The following ASMTL variants were observed in gnomAD, a reference collection of about 807,000 sequenced individuals.
The protein encoded by ASMTL is probable bifunctional dTTP/UTP pyrophosphatase/methyltransferase protein.
Under a neutral mutation model 60.3 loss-of-function variants are expected in ASMTL, and 57 were observed. The ratio of observed to expected loss-of-function variants is 0.95; its 90% confidence interval spans 0.76 to 1.18. The LOEUF (loss-of-function observed/expected upper bound fraction) is 1.18, where lower values mean the gene tolerates loss of function less well. ASMTL is among the 50% of genes most tolerant of loss of function. The pLI is 0.00. For missense variants in ASMTL, 981 were observed against 852.6 expected, an observed-to-expected ratio of 1.15 and a Z score of -1.88; for synonymous variants, 419 against 373.0, an observed-to-expected ratio of 1.12 and a Z score of -1.42.
intron 8 of ASMTL, among the ~76,000 whole-genome samples, chrX:1,424,696 A>G (rs2090567117): frequency 6.7e-6 from 1 of 148,450 alleles, no homozygotes; most frequent in East Asian, 2.0e-4. Context: ...ACCTTTATCC[A>G]TCCAGTCATC....
chrX:1,427,066 T>A (rs1457310223), intron 7 of ASMTL, among the ~76,000 whole-genome samples: 2 of 151,940 alleles, frequency 1.3e-5, no homozygotes, highest in Non-Finnish European at 2.9e-5. Context: ...TTCAGATGAG[T>A]TGGAGTCAGT....
At chrX:1,424,190 AC>A (rs1319841527) in intron 8 of ASMTL, among the ~76,000 whole-genome samples, 1 of 24,424 alleles carries the variant, frequency 4.1e-5, no homozygotes, top group Non-Finnish European at 8.9e-5. Flanking sequence ...CCACCCACCC[AC>A]CCATCTGTTC....
At chrX:1,435,888 T>G in intron 3 of ASMTL, 130 bp from the exon 4 acceptor site, 1 of 780,706 alleles carries the variant, frequency 1.3e-6, no homozygotes, top group Non-Finnish European at 2.3e-6. Flanking sequence ...GAGTCGCCAT[T>G]TCAAACAACT....
intron 1 of ASMTL, among the ~76,000 whole-genome samples, chrX:1,450,769 A>G (rs2091348328): frequency 9.6e-6 from 1 of 104,336 alleles, no homozygotes; most frequent in Non-Finnish European, 1.9e-5. Flanking sequence ...TTCCCGGGTT[A>G]CTCTCCCCTC....
chrX:1,438,566 T>C lies in ASMTL; in HGVS notation c.273+531A>G, dbSNP rs189658808. Among the ~76,000 whole-genome samples the C allele has an allele frequency of 8.3e-3, 1,258 of 152,180 alleles. 18 individuals are homozygous for C. Among genetic ancestry groups the C allele is most frequent in the African/African-American group, 0.029 (1,198 of 41,542 alleles). On this transcript the variant is annotated intron_variant, in intron 3 of 12. Transcript: ENST00000381317. ...CTCGCTCTTGTCACCCAGGCTGGAG[T>C]GCAGTGGCGCGATCTCGGCTCACTG...
chrX:1,451,817 G>C (rs1416648179), intron 1 of ASMTL, among the ~76,000 whole-genome samples: 2 of 137,130 alleles, frequency 1.5e-5, no homozygotes, highest in Non-Finnish European at 3.2e-5. Context: ...CCCCATGCCT[G>C]GGGGTCCCGG....
intron 1 of ASMTL, among the ~76,000 whole-genome samples, chrX:1,443,185 A>T (rs1391140218): frequency 6.7e-6 from 1 of 148,176 alleles, no homozygotes; most frequent in Admixed American, 6.7e-5. Flanking sequence ...ACACACCGCC[A>T]TCGTGGACAC....
chrX:1,453,218 C>A (rs781285570), upstream of ASMTL, among the ~76,000 whole-genome samples: 1 of 151,150 alleles, frequency 6.6e-6, no homozygotes, highest in Admixed American at 6.6e-5. Flanking sequence ...ACGCCCATGT[C>A]ACGCCGCCAT....
intron 9 of ASMTL, among the ~76,000 whole-genome samples, chrX:1,419,645 C>T (rs1215137382): frequency 2.0e-5 from 3 of 152,148 alleles, no homozygotes; most frequent in Admixed American, 2.0e-4. Flanking sequence ...CTCATCCTGG[C>T]TCAGTGCTGT....
At chrX:1,415,835 C>T (rs1229529757) in intron 11 of ASMTL, among the ~76,000 whole-genome samples, 11 of 152,148 alleles carry the variant, frequency 7.2e-5, no homozygotes, top group Non-Finnish European at 5.9e-5. Context: ...GGCAGACCCA[C>T]GGACGCACAG....
At chrX:1,450,633 C>T (rs1216903814) in intron 1 of ASMTL, among the ~76,000 whole-genome samples, 1 of 128,548 alleles carries the variant, frequency 7.8e-6, no homozygotes, top group Non-Finnish European at 1.7e-5. Context: ...GGGTCACTCT[C>T]CCCTCCCCCA....
At chrX:1,444,808 T>C (rs1317542879) in intron 1 of ASMTL, among the ~76,000 whole-genome samples, 1 of 152,056 alleles carries the variant, frequency 6.6e-6, no homozygotes, top group African/African-American at 2.4e-5. Context: ...CTCCCATCTT[T>C]TCTCTCCATT....
chrX:1,446,043 A>C (rs1253580811), intron 1 of ASMTL, among the ~76,000 whole-genome samples: 1 of 152,156 alleles, frequency 6.6e-6, no homozygotes, highest in African/African-American at 2.4e-5. Context: ...GCTTTGCTTC[A>C]GTGGTCACAC....
At chrX:1,417,534 C>CAA (rs2090334616) in intron 11 of ASMTL, among the ~76,000 whole-genome samples, 1 of 131,694 alleles carries the variant, frequency 7.6e-6, no homozygotes, top group Admixed American at 8.4e-5. Flanking sequence ...CACACACACA[C>CAA]ACATGCACAC....
intron 5 of ASMTL, 102 bp from the exon 6 acceptor site, chrX:1,432,479 G>A (rs2090823353): frequency 1.2e-6 from 1 of 833,044 alleles, no homozygotes; most frequent in Non-Finnish European, 2.0e-6. Context: ...CTCGAGCGCA[G>A]CGCACAGTTC....
chrX:1,439,585 G>A (rs1196877396), intron 2 of ASMTL, among the ~76,000 whole-genome samples: 2 of 152,082 alleles, frequency 1.3e-5, no homozygotes, highest in Non-Finnish European at 2.9e-5. Context: ...GGTGGCTCAC[G>A]CCTGTCATCC....
intron 3 of ASMTL, among the ~76,000 whole-genome samples, chrX:1,437,838 A>C (rs1453683831): frequency 6.7e-6 from 1 of 150,156 alleles, no homozygotes; most frequent in Non-Finnish European, 1.5e-5. Flanking sequence ...CGGAGGTTGC[A>C]ATGAGCTGAG....
chrX:1,434,192 G>A (rs758389597), intron 5 of ASMTL, among the ~76,000 whole-genome samples: 134 of 152,282 alleles, frequency 8.8e-4, no homozygotes, highest in Admixed American at 1.9e-3. Flanking sequence ...GCCGGGCACC[G>A]TGGTGCACAC....
chrX:1,421,945 C>G, intron 8 of ASMTL, 103 bp from the exon 9 acceptor site: 2 of 1,096,356 alleles, frequency 1.8e-6, no homozygotes, highest in Non-Finnish European at 2.7e-6. Context: ...CATCACCCAT[C>G]TGACTATAGC....
Sources: gnomAD v4.1 joint callset for allele counts (sites outside exome capture counted in the v4.1 genomes callset) on GRCh38, gnomAD v4.1.1 for gene constraint, MANE v1.5 for transcripts, NCBI Gene and HGNC (gene_info 2026-07-23, HGNC 2026-07-21) for gene names.